The following FANK1 variants were observed in gnomAD, a reference collection of about 807,000 sequenced individuals.
FANK1 encodes the protein fibronectin type III and ankyrin repeat domains 1, also known as fibronectin type 3 and ankyrin repeat domains protein 1.
Under a neutral mutation model 45.3 loss-of-function variants are expected in FANK1, and 44 were observed. That is an observed-to-expected ratio of 0.97 (90% CI 0.76 to 1.25). The LOEUF (loss-of-function observed/expected upper bound fraction) is 1.25. Ranked by LOEUF, FANK1 falls within the 50% of genes most tolerant of loss-of-function variation. FANK1 has a pLI of 0.00. For synonymous variants in FANK1, 149 were observed against 152.5 expected, an observed-to-expected ratio of 0.98 and a Z score of 0.17; for missense variants, 391 against 424.4, an observed-to-expected ratio of 0.92 and a Z score of 0.69.
At chr10:125,973,725 A>G (rs549745511) in intron 1 of FANK1, 1 of 152,530 alleles carries the variant, frequency 6.6e-6, no homozygotes, top group Non-Finnish European at 1.5e-5. Flanking sequence ...CATATATGTC[A>G]TAAAGTCTTT....
intron 1 of FANK1, among the ~76,000 whole-genome samples, chr10:125,903,241 A>C (rs1247641890): frequency 5.9e-5 from 9 of 152,282 alleles, no homozygotes; most frequent in Non-Finnish European, 1.3e-4. Flanking sequence ...GGGTTTGTGC[A>C]TACCAGCATC....
chr10:125,962,119 G>A (rs1262822978), intron 1 of FANK1, among the ~76,000 whole-genome samples: 1 of 152,144 alleles, frequency 6.6e-6, no homozygotes, highest in African/African-American at 2.4e-5. Context: ...AATATCCAAG[G>A]AGCTCGAACA....
chr10:125,949,174 C>T (rs1589994509), intron 1 of FANK1, among the ~76,000 whole-genome samples: 1 of 151,720 alleles, frequency 6.6e-6, no homozygotes, highest in African/African-American at 2.4e-5. Flanking sequence ...ACTGAATGGG[C>T]AAAAACTGGA....
intron 6 of FANK1, 142 bp from the exon 7 acceptor site, chr10:126,004,742 A>T: frequency 2.8e-6 from 2 of 720,774 alleles, no homozygotes; most frequent in Non-Finnish European, 4.7e-6. Flanking sequence ...GTTGATGGAT[A>T]CGTGTACGTT....
chr10:125,960,370 G>T, intron 1 of FANK1: 1 of 202,008 alleles, frequency 5.0e-6, no homozygotes, highest in South Asian at 7.7e-5. Context: ...TGCTCCACCA[G>T]GCGCTGCAGG....
At chr10:125,971,769 C>T (rs544225959) in intron 1 of FANK1, among the ~76,000 whole-genome samples, 1 of 151,956 alleles carries the variant, frequency 6.6e-6, no homozygotes, top group Non-Finnish European at 1.5e-5. Context: ...CTACAGGTGC[C>T]CGCTACCACG....
At chr10:125,996,840 A>G (rs1282716401) in intron 5 of FANK1, among the ~76,000 whole-genome samples, 1 of 152,156 alleles carries the variant, frequency 6.6e-6, no homozygotes. Context: ...TGTGTTGAGG[A>G]AGAGAGGTAG....
At chr10:125,991,234 T>C (rs1473638642) in intron 3 of FANK1, among the ~76,000 whole-genome samples, 3 of 131,854 alleles carry the variant, frequency 2.3e-5, no homozygotes, top group African/African-American at 8.0e-5. Context: ...GGGATGAGTG[T>C]GTGGTGGTGA....
intron 1 of FANK1, among the ~76,000 whole-genome samples, chr10:125,934,724 G>GGTTTTTTTTTTTTTTT (rs1564888158): frequency 3.8e-5 from 1 of 26,418 alleles, no homozygotes; most frequent in Non-Finnish European, 7.3e-5. Context: ...TACCCCTACC[G>GGTTTTTTTTTTTTTTT]TTTTTTTTTT....
At chr10:125,914,302 C>T (rs1342755607) in intron 1 of FANK1, among the ~76,000 whole-genome samples, 5 of 88,338 alleles carry the variant, frequency 5.7e-5, no homozygotes, top group Non-Finnish European at 1.2e-4. Context: ...TTTAAAAAGT[C>T]TCAGTGGTCT....
rs1332122147 is a variant in FANK1, at chr10:125,901,023, G to A, written c.13+4368G>A. On this transcript the variant is annotated intron_variant, in intron 1 of 10. Transcript: ENST00000368693. ...GGGTCTTGCTGTGTGGCCCAGGTAT[G>A]CCTCAAACTCCTGGGTTCAAGGGAT... Among the ~76,000 whole-genome samples the A allele has an allele frequency of 2.0e-5, 3 of 151,964 alleles. No homozygotes were observed. In the East Asian group the frequency reaches 5.8e-4, roughly 29 times the overall value.
chr10:125,939,934 A>AT (rs1190885268), intron 1 of FANK1, among the ~76,000 whole-genome samples: 4,326 of 149,842 alleles, frequency 0.029, 208 homozygotes, highest in African/African-American at 0.099. Flanking sequence ...TATTATTATT[A>AT]TTTTTTTTTT....
intron 6 of FANK1, among the ~76,000 whole-genome samples, chr10:126,000,738 T>C (rs1952696349): frequency 6.6e-6 from 1 of 152,166 alleles, no homozygotes; most frequent in Admixed American, 6.5e-5. Flanking sequence ...TTAATTACAA[T>C]GTTAAGGACA....
intron 1 of FANK1, among the ~76,000 whole-genome samples, chr10:125,960,810 C>T (rs1435232191): frequency 1.3e-5 from 2 of 152,352 alleles, no homozygotes; most frequent in Admixed American, 6.5e-5. Context: ...GCTGGGATTA[C>T]AGGCGTGAGC....
chr10:125,912,369 TC>T (rs1946086025), intron 1 of FANK1, among the ~76,000 whole-genome samples: 1 of 152,042 alleles, frequency 6.6e-6, no homozygotes, highest in East Asian at 1.9e-4. Flanking sequence ...CTCCTCCTCT[TC>T]CTTTAGCTTG....
At position 126,009,356 on chromosome 10, in the gene FANK1, C is replaced by G; in HGVS notation, c.973-17C>G. 2 of 1,613,982 alleles carry G rather than the reference C, an allele frequency of 1.2e-6. No individual in the cohort carries two copies. The highest frequency in any genetic ancestry group is 2.2e-5 in the South Asian group (2 of 91,024). Reference sequence around the variant, plus strand: ...AAAACCCTGGATTACATTCGCCTGTCTGTTTTGTTTATCTAGAGTGTAGTC... The same window carrying G: ...AAAACCCTGGATTACATTCGCCTGTGTGTTTTGTTTATCTAGAGTGTAGTC... On this transcript the variant is annotated splice_polypyrimidine_tract_variant and intron_variant, in intron 10 of 10. Transcript: ENST00000368693.
At chr10:125,995,342 C>A in intron 3 of FANK1, 75 bp from the exon 4 acceptor site, 1 of 1,383,606 alleles carries the variant, frequency 7.2e-7, no homozygotes, top group South Asian at 1.2e-5. Context: ...CCCTGAAGGC[C>A]ACAGGAGGAC....
At chr10:125,930,059 C>T (rs1301667848) in intron 1 of FANK1, among the ~76,000 whole-genome samples, 2 of 152,126 alleles carry the variant, frequency 1.3e-5, no homozygotes, top group Non-Finnish European at 2.9e-5. Context: ...AAATGACCAT[C>T]TTTTCTTTTT....
chr10:126,006,394 C>T (rs1326051210), intron 7 of FANK1, among the ~76,000 whole-genome samples: 1 of 152,154 alleles, frequency 6.6e-6, no homozygotes, highest in Non-Finnish European at 1.5e-5. Flanking sequence ...TAGAGACAGG[C>T]ACAGAGGCAG....
Sources: gnomAD v4.1 joint callset for allele counts (sites outside exome capture counted in the v4.1 genomes callset) on GRCh38, gnomAD v4.1.1 for gene constraint, MANE v1.5 for transcripts, NCBI Gene and HGNC (gene_info 2026-07-23, HGNC 2026-07-21) for gene names.